ABCC4: variants seen among roughly 807,000 people sequenced by gnomAD.
ABCC4 encodes the protein ATP binding cassette subfamily C member 4 (PEL blood group).
A neutral mutation model predicts 168.5 loss-of-function variants in ABCC4; 102 were observed. The observed-to-expected ratio is 0.61, with a 90% CI of 0.52 to 0.71. The LOEUF is 0.71. Ranked by LOEUF, ABCC4 falls within the 30% of genes least tolerant of loss-of-function variation. The probability of loss-of-function intolerance (pLI) is 0.00; values close to 1 mark genes in which losing one functional copy is unlikely to be tolerated. For missense variants in ABCC4, 1,402 were observed against 1,605.8 expected (o/e 0.87, Z 2.17); for synonymous variants, 617 against 590.7 (o/e 1.04, Z -0.65).
At chr13:95,225,364 G>A (rs2039434666) in intron 4 of ABCC4, among the ~76,000 whole-genome samples, 1 of 152,150 alleles carries the variant, frequency 6.6e-6, no homozygotes, top group African/African-American at 2.4e-5. Context: ...CAAACGGTAA[G>A]TGAAAATTTA....
intron 18 of ABCC4, among the ~76,000 whole-genome samples, chr13:95,162,314 A>T (rs2037124130): frequency 6.6e-6 from 1 of 152,216 alleles, no homozygotes; most frequent in South Asian, 2.1e-4. Flanking sequence ...AATTTCACTG[A>T]GTAGGTTCTT....
At chr13:95,072,533 T>G (rs2033767304) in intron 24 of ABCC4, among the ~76,000 whole-genome samples, 1 of 152,240 alleles carries the variant, frequency 6.6e-6, no homozygotes, top group African/African-American at 2.4e-5. Flanking sequence ...TTAAACTGGA[T>G]GATCGTGAAA....
intron 19 of ABCC4, among the ~76,000 whole-genome samples, chr13:95,138,015 A>G (rs556508737): frequency 1.5e-4 from 23 of 152,262 alleles, no homozygotes; most frequent in Non-Finnish European, 2.6e-4. Context: ...CCAATACTGA[A>G]CAGCATTTTT....
intron 30 of ABCC4, among the ~76,000 whole-genome samples, chr13:95,029,814 T>C (rs148799909): frequency 4.3e-4 from 65 of 152,326 alleles, no homozygotes; most frequent in Middle Eastern, 3.4e-3. Context: ...TTAATACATG[T>C]TAACAGTGAA....
At chr13:95,196,635 AG>A (rs1198728304) in intron 8 of ABCC4, among the ~76,000 whole-genome samples, 17 of 9,062 alleles carry the variant, frequency 1.9e-3, no homozygotes, top group African/African-American at 3.0e-3. Context: ...GAAGGAAGGA[AG>A]GAAGGAAGGA....
At chr13:95,242,877 GA>G (rs4148453) in intron 3 of ABCC4, among the ~76,000 whole-genome samples, 232 of 149,536 alleles carry the variant, frequency 1.6e-3, no homozygotes, top group Non-Finnish European at 1.1e-3. Flanking sequence ...AGAAGGAAAA[GA>G]AAAAAAAAAA....
At chr13:95,113,531 G>A (rs993781215) in intron 20 of ABCC4, among the ~76,000 whole-genome samples, 7 of 151,414 alleles carry the variant, frequency 4.6e-5, no homozygotes, top group Non-Finnish European at 7.4e-5. Context: ...AACAGCACTG[G>A]GCTGTTTTCA....
At chr13:95,205,330 C>T (rs905827136) in intron 8 of ABCC4, among the ~76,000 whole-genome samples, 1 of 152,110 alleles carries the variant, frequency 6.6e-6, no homozygotes, top group Non-Finnish European at 1.5e-5. Context: ...ACACCCACCC[C>T]ATTCTCTCCC....
intron 30 of ABCC4, among the ~76,000 whole-genome samples, chr13:95,033,719 G>A (rs566007482): frequency 3.4e-4 from 50 of 149,126 alleles, no homozygotes; most frequent in Non-Finnish European, 5.9e-4. Context: ...CTGGAGTGCA[G>A]TGGCGTGATC....
At chr13:95,253,601 C>T (rs1034439021) in intron 1 of ABCC4, among the ~76,000 whole-genome samples, 3 of 151,796 alleles carry the variant, frequency 2.0e-5, no homozygotes, top group Non-Finnish European at 4.4e-5. Flanking sequence ...AAAAATTAGC[C>T]GGGCGTGGTG....
intron 4 of ABCC4, among the ~76,000 whole-genome samples, chr13:95,215,338 T>A (rs143604864): frequency 6.6e-6 from 1 of 151,730 alleles, no homozygotes. Flanking sequence ...GAGGCGGAGG[T>A]TGCAGTGAGC....
At chr13:95,293,434 A>T (rs536077952) in intron 1 of ABCC4, among the ~76,000 whole-genome samples, 1 of 152,208 alleles carries the variant, frequency 6.6e-6, no homozygotes, top group South Asian at 2.1e-4. Context: ...ACACGGGTTC[A>T]GGATGAACTC....
intron 20 of ABCC4, among the ~76,000 whole-genome samples, chr13:95,100,515 G>A (rs938925249): frequency 1.3e-5 from 2 of 152,178 alleles, no homozygotes; most frequent in Non-Finnish European, 2.9e-5. Flanking sequence ...GTGGGCCTGT[G>A]TGAATCCTAT....
chr13:95,108,641 C>CTT (rs11396828), intron 20 of ABCC4, among the ~76,000 whole-genome samples: 14,311 of 145,212 alleles, frequency 0.099, 944 homozygotes, highest in Middle Eastern at 0.15. Flanking sequence ...AATCTATTTT[C>CTT]TTTTTTTTTT....
chr13:95,202,903 G>A (rs11620067), intron 8 of ABCC4, among the ~76,000 whole-genome samples: 12,655 of 151,972 alleles, frequency 0.083, 790 homozygotes, highest in South Asian at 0.21. Flanking sequence ...CAAGTGATCC[G>A]TCCACCTAGG....
intron 27 of ABCC4, among the ~76,000 whole-genome samples, chr13:95,047,604 C>T (rs778117939): frequency 5.3e-5 from 8 of 150,940 alleles, no homozygotes; most frequent in Non-Finnish European, 1.0e-4. Context: ...CTCAGCCTCC[C>T]GAGTAGCTGG....
At chr13:95,224,003 A>C (rs370922320) in intron 4 of ABCC4, among the ~76,000 whole-genome samples, 42 of 152,270 alleles carry the variant, frequency 2.8e-4, no homozygotes, top group African/African-American at 9.9e-4. Context: ...TCCAAGAAAA[A>C]CAAGAGTGTG....
At chr13:95,097,196 G>C (rs2051712639) in intron 20 of ABCC4, among the ~76,000 whole-genome samples, 1 of 139,550 alleles carries the variant, frequency 7.2e-6, no homozygotes, top group African/African-American at 2.7e-5. Flanking sequence ...ATAAAGAGTA[G>C]AGCTAAAAAT....
intron 29 of ABCC4, among the ~76,000 whole-genome samples, chr13:95,043,115 C>T (rs1449401969): frequency 1.3e-5 from 2 of 152,130 alleles, no homozygotes; most frequent in Non-Finnish European, 2.9e-5. Context: ...TCTAAGCCCT[C>T]CAATTCTTAT....
Sources: gnomAD v4.1 joint callset for allele counts (sites outside exome capture counted in the v4.1 genomes callset) on GRCh38, gnomAD v4.1.1 for gene constraint, MANE v1.5 for transcripts, NCBI Gene and HGNC (gene_info 2026-07-23, HGNC 2026-07-21) for gene names.